The following DPH2 variants were observed in gnomAD, a reference collection of about 807,000 sequenced individuals.
DPH2 encodes the protein 2-(3-amino-3-carboxypropyl)histidine synthase subunit 2.
DPH2 carries 28 observed loss-of-function variants against 42.5 expected under a neutral mutation model. That is an observed-to-expected ratio of 0.66 (90% CI 0.49 to 0.90). DPH2 has a LOEUF of 0.90. Among genes scored for constraint, DPH2 ranks in the 40% least tolerant of loss-of-function variants. DPH2 has a pLI of 0.00. For synonymous variants in DPH2, 279 were observed against 264.4 expected, an observed-to-expected ratio of 1.06 and a Z score of -0.53; for missense variants, 576 against 636.0, an observed-to-expected ratio of 0.91 and a Z score of 1.01.
rs776517490 is a variant in DPH2 at position 43,970,547 on chromosome 1, C to T, written c.148-49C>T. On this transcript the variant is annotated intron_variant, in intron 1 of 5. Transcript: ENST00000255108. ...CTCCTGGAAGATTGCTTTAAAGAAG[C>T]CCTCAGTGGGAGAGAGGCTGTCCCT... 21 of 1,594,242 alleles carry T rather than the reference C, an allele frequency of 1.3e-5. No individual in the cohort carries two copies. The South Asian group carries it at 1.3e-4, about 10-fold the overall frequency.
chr1:43,970,128 C>T lies in DPH2; in HGVS notation c.-48C>T. 1 of 1,596,676 alleles carries T rather than the reference C, an allele frequency of 6.3e-7. No individual in the cohort carries two copies. The highest frequency in any genetic ancestry group is 1.1e-5 in the South Asian group (1 of 87,988). ...GCTCTAGAGGACTCAGGCCCCGAAG[C>T]TGTCCCAGGGAGGTCCCCGCTGCAT... On this transcript the variant is annotated 5_prime_UTR_variant, in exon 1 of 6. Coordinates refer to ENST00000255108, the MANE Select transcript of DPH2 (RefSeq NM_001384.5).
Position 43,970,028 on chromosome 1 carries a change from A to C in DPH2, c.-148A>C. 1.1e-6 allele frequency: 1 copy of C among 879,186 alleles called. No homozygotes were observed. Among genetic ancestry groups the C allele is most frequent in the Non-Finnish European group, 1.7e-6 (1 of 590,784 alleles). The allele number at this position is 879,186 out of a possible 1,614,324, so 54.5% of individuals were successfully genotyped here. On this transcript the variant is annotated 5_prime_UTR_variant, in exon 1 of 6. Coordinates refer to ENST00000255108, the MANE Select transcript of DPH2 (RefSeq NM_001384.5). ...GAGAAACAGTAGTTAGGATGGCTGAAGGGGATACTCACCGGCTGAAGGCCG... is the reference window on the plus strand; with the variant it reads ...GAGAAACAGTAGTTAGGATGGCTGACGGGGATACTCACCGGCTGAAGGCCG...
chr1:43,971,071 C>T lies in DPH2; in HGVS notation c.366C>T (p.Phe122=), dbSNP rs999912667. Residue 122 remains phenylalanine (F), a synonymous_variant, in exon 3 of 6, where the codon TTC becomes TTT. Coordinates refer to ENST00000255108, the MANE Select transcript of DPH2 (RefSeq NM_001384.5). ...SPPARPLPVA[F]VLRQRSVALE... is the part of the protein sequence containing the mutation. ...CAGCCCGCCCACTGCCCGTTGCCTTCGTGCTTCGTCAACGTTCTGTGGCCT... is the reference window on the plus strand; with the variant it reads ...CAGCCCGCCCACTGCCCGTTGCCTTTGTGCTTCGTCAACGTTCTGTGGCCT... The T allele has an allele frequency of 1.2e-5, 19 of 1,569,138 alleles. No individual in the cohort carries two copies. The highest frequency in any genetic ancestry group is 1.1e-4 in the African/African-American group (8 of 74,150).
rs2085418475 is a variant in DPH2, at chr1:43,971,378, C to T, written c.485-9C>T. 1 of 1,563,560 alleles carries T rather than the reference C, an allele frequency of 6.4e-7. No individual in the cohort carries two copies. The highest frequency in any genetic ancestry group is 1.9e-5 in the Admixed American group (1 of 52,094). ...GCTCCAACCTCAACACTACCTCCTT[C>T]TCTTCCAGAGGCTTTGGCTACTCTC... On this transcript the variant is annotated splice_polypyrimidine_tract_variant and intron_variant, in intron 3 of 5. Coordinates refer to ENST00000255108, the MANE Select transcript of DPH2 (RefSeq NM_001384.5).
chr1:43,972,743 T>C lies in DPH2; in HGVS notation c.*204T>C. On this transcript the variant is annotated 3_prime_UTR_variant, in exon 6 of 6. Transcript: ENST00000255108. The stretch of plus-strand genomic sequence containing the variant: ...CTCAGCACATGCCCAGTAATGCGTG[T>C]TGTTTGGCTGATGGAATAAAGGGCT... 1.5e-6 allele frequency: 1 copy of C among 675,990 alleles called. No individual in the cohort carries two copies. The highest frequency in any genetic ancestry group is 2.4e-6 in the Non-Finnish European group (1 of 413,762). The allele number at this position is 675,990 out of a possible 1,614,324, so 41.9% of individuals were successfully genotyped here. A position where few individuals can be genotyped will look rare whatever the true frequency, so the allele number is the denominator to read the frequency against.
Position 43,971,725 on chromosome 1 carries a change from G to A in DPH2, c.823G>A (p.Val275Ile). ...GCTAAGGGCACGAAGACGATATCTGGTAGAGAGGGCCAGAGATGCCCGCGT... is the reference window on the plus strand; with the variant it reads ...GCTAAGGGCACGAAGACGATATCTGATAGAGAGGGCCAGAGATGCCCGCGT... ...GRLRARRRYL[V>I]ERARDARVVG... Residue 275 changes from valine (V) to isoleucine (I), a missense_variant, in exon 4 of 6, where the codon GTA (valine) becomes ATA (isoleucine). Around this residue, in one of 3 missense-constraint regions of DPH2, gnomAD observed 395 missense variants for 435.2 expected, o/e 0.91. Transcript: ENST00000255108. The A allele has an allele frequency of 1.9e-6, 3 of 1,611,976 alleles. No individual in the cohort carries two copies. Among genetic ancestry groups the A allele is most frequent in the Middle Eastern group, 1.6e-4 (1 of 6,062 alleles).
chr1:43,970,497 A>G (rs2085396289), intron 1 of DPH2, 99 bp from the exon 2 acceptor site: 1 of 1,536,596 alleles, frequency 6.5e-7, no homozygotes, highest in Non-Finnish European at 9.0e-7. Flanking sequence ...CTCTGGGACC[A>G]GGGGCTTTGA....
chr1:43,973,293 G>A lies in DPH2; in HGVS notation c.*754G>A, dbSNP rs2085474698. On this transcript the variant is annotated 3_prime_UTR_variant, in exon 6 of 6. Transcript: ENST00000255108. ...GCCATCATGGCAGAAAGTTCTATTG[G>A]TTGGACAGCGTTGGTCTATACTGAC... is the stretch of plus-strand genomic sequence containing the variant. 6.6e-6 allele frequency: 1 copy of A among 152,264 alleles called. No individual in the cohort carries two copies. Among genetic ancestry groups the A allele is most frequent in the Non-Finnish European group, 1.5e-5 (1 of 68,046 alleles). 9.4% of individuals were successfully genotyped at this position (152,264 alleles called of 1,614,324 possible).
Position 43,970,722 on chromosome 1 carries a change from C to A in DPH2, c.260+14C>A. 2.5e-6 allele frequency: 4 copies of A among 1,611,856 alleles called. No homozygotes were observed. Among genetic ancestry groups the A allele is most frequent in the Non-Finnish European group, 3.4e-6 (4 of 1,178,036 alleles). On this transcript the variant is annotated intron_variant, in intron 2 of 5. Transcript: ENST00000255108. ...AGCCTACGGCAGGTGTGAACTTGGC[C>A]TTAGGTGGGCCAGGCCTGGGGATCC...
At position 43,972,962 on chromosome 1, in the gene DPH2, CTGGTGTA is replaced by C. The variant is rs1469428569; in HGVS notation, c.*428_*434del. ...AGATAATTCTTTGTTGTGGGGCTGTCTGGTGTATGGTAGGGTGCTCAGCAGCATCCCT... is the reference window on the plus strand; with the variant it reads ...AGATAATTCTTTGTTGTGGGGCTGTCTGGTAGGGTGCTCAGCAGCATCCCT... On this transcript the variant is annotated 3_prime_UTR_variant, in exon 6 of 6. Transcript: ENST00000255108. 1 of 163,570 alleles carries C rather than the reference CTGGTGTA, an allele frequency of 6.1e-6. No individual in the cohort carries two copies. The highest frequency in any genetic ancestry group is 1.3e-5 in the Non-Finnish European group (1 of 74,844). The allele number at this position is 163,570 out of a possible 1,614,324, so 10.1% of individuals were successfully genotyped here. A position where few individuals can be genotyped will look rare whatever the true frequency, so the allele number is the denominator to read the frequency against.
chr1:43,971,588 A>T lies in DPH2; in HGVS notation c.686A>T (p.Asp229Val). 1 of 1,613,912 alleles carries T rather than the reference A, an allele frequency of 6.2e-7. No individual in the cohort carries two copies. The highest frequency in any genetic ancestry group is 1.3e-5 in the African/African-American group (1 of 75,036). Residue 229 changes from aspartate to valine, a missense_variant, in exon 4 of 6, where the codon GAC becomes GTC. Physicochemically the swap from Asp to Val is radical, Grantham distance 152. Transcript: ENST00000255108. Reference sequence around the variant, plus strand: ...GGCTCTAAGGCCAGCCCTGACCCAGACCTTGACCCAGACCTGAGTCGGCTG... The same window carrying T: ...GGCTCTAAGGCCAGCCCTGACCCAGTCCTTGACCCAGACCTGAGTCGGCTG... ...VGGSKASPDP[D>V]LDPDLSRLLL...
chr1:43,970,502 C>T, intron 1 of DPH2, 94 bp from the exon 2 acceptor site: 2 of 1,541,026 alleles, frequency 1.3e-6, no homozygotes, highest in Non-Finnish European at 1.8e-6. Flanking sequence ...GGACCAGGGG[C>T]TTTGAAGGTT....
Position 43,972,451 on chromosome 1 carries a change from AGCCCC to A in DPH2, c.1386_1390del (p.Arg463GlyfsTer20). The stretch of plus-strand genomic sequence containing the variant: ...AGTTCCCGGAGCTGGCAAGGGCTGG[AGCCCC>A]GCCTGGGTCAGACGCCAGTGACAGA... On this transcript the variant is annotated frameshift_variant, in exon 6 of 6. Transcript: ENST00000255108. LOFTEE classifies it high-confidence loss of function. The A allele has an allele frequency of 6.2e-7, 1 of 1,614,190 alleles. No individual in the cohort carries two copies.
intron 4 of DPH2, 43 bp downstream of exon 4, chr1:43,972,113 G>A (rs757924488): frequency 1.2e-5 from 20 of 1,608,768 alleles, no homozygotes; most frequent in Non-Finnish European, 1.5e-5. Context: ...CCTGGGGCAC[G>A]GAGTCAGGGG....
intron 4 of DPH2, 37 bp downstream of exon 4, chr1:43,972,107 G>A (rs1342895504): frequency 6.2e-7 from 1 of 1,609,210 alleles, no homozygotes; most frequent in Admixed American, 1.7e-5. Flanking sequence ...TGGAAACCTG[G>A]GGCACGGAGT....
Position 43,972,351 on chromosome 1 carries a change from C to T in DPH2, c.1345+17C>T, listed in dbSNP as rs1171824716. The T allele has an allele frequency of 6.8e-6, 11 of 1,613,372 alleles. No individual in the cohort carries two copies. The highest frequency in any genetic ancestry group is 6.7e-5 in the East Asian group (3 of 44,892). On this transcript the variant is annotated intron_variant, in intron 5 of 5. Coordinates refer to ENST00000255108, the MANE Select transcript of DPH2 (RefSeq NM_001384.5). Reference sequence around the variant, plus strand: ...GTCCTGCAGGTAAATGTACAAGTCTCCACTCCCAGCTGAGCTTTTTCTCCA... The same window carrying T: ...GTCCTGCAGGTAAATGTACAAGTCTTCACTCCCAGCTGAGCTTTTTCTCCA...
In DPH2 at chr1:43,970,190, T is replaced by C; in HGVS notation, c.15T>C (p.Phe5=). 1.9e-6 allele frequency: 3 copies of C among 1,614,054 alleles called. No homozygotes were observed. The highest frequency in any genetic ancestry group is 1.7e-6 in the Non-Finnish European group (2 of 1,179,976). Residue 5 remains phenylalanine (F), a synonymous_variant, in exon 1 of 6, where the codon TTT becomes TTC. Transcript: ENST00000255108. MESM[F]SSPAEAALQR... ...AGCTGTGCCTCATGGAGTCGATGTT[T>C]AGCAGCCCTGCCGAGGCGGCGCTGC...
Position 43,972,027 on chromosome 1 carries a change from A to G in DPH2, c.1125A>G (p.Pro375=). 6.2e-7 allele frequency: 1 copy of G among 1,614,122 alleles called. No individual in the cohort carries two copies. The highest frequency in any genetic ancestry group is 8.5e-7 in the Non-Finnish European group (1 of 1,179,994). Residue 375 remains proline, a synonymous_variant, in exon 4 of 6, where the codon CCA becomes CCG. Coordinates refer to ENST00000255108, the MANE Select transcript of DPH2 (RefSeq NM_001384.5). ...CCTGCAACCCTGCCTGGCCACCTCCAGGCCTGGCTCCCCACCTCACACATT... is the reference window on the plus strand; with the variant it reads ...CCTGCAACCCTGCCTGGCCACCTCCGGGCCTGGCTCCCCACCTCACACATT... ...EAACNPAWPP[P]GLAPHLTHYA...
At chr1:43,971,211 T>G (rs1417441361) in intron 3 of DPH2, 22 bp downstream of exon 3, 2 of 1,547,990 alleles carry the variant, frequency 1.3e-6, no homozygotes, top group Admixed American at 3.9e-5. Flanking sequence ...TGCCTGTGTA[T>G]GCACAAAGGG....
Sources: allele counts gnomAD v4.1 joint callset, GRCh38; gene constraint gnomAD v4.1.1; regional missense constraint gnomAD v4.1.1; transcripts MANE v1.5; gene names NCBI Gene and HGNC (gene_info 2026-07-23, HGNC 2026-07-21).